Variants in AGBL1 observed in about 807,000 individuals in gnomAD.
AGBL1 encodes AGBL carboxypeptidase 1, also known as cytosolic carboxypeptidase 4.
AGBL1 carries 130 observed loss-of-function variants against 118.9 expected under a neutral mutation model. That is an observed-to-expected ratio of 1.09 (90% CI 0.95 to 1.26). The LOEUF (loss-of-function observed/expected upper bound fraction) is 1.26. Among genes scored for constraint, AGBL1 ranks in the 50% most tolerant of loss-of-function variants. AGBL1 has a pLI of 0.00. For synonymous variants in AGBL1, 555 were observed against 478.9 expected (o/e 1.16, Z -2.08); for missense variants, 1,584 against 1,298.1 (o/e 1.22, Z -3.38).
At chr15:86,736,379 C>CAA (rs5814261) in intron 22 of AGBL1, among the ~76,000 whole-genome samples, 15 of 137,956 alleles carry the variant, frequency 1.1e-4, no homozygotes, top group African/African-American at 3.9e-4. Flanking sequence ...AACTCTGTCT[C>CAA]AAAAAAAAAA....
chr15:86,443,012 C>A (rs1472149331), intron 18 of AGBL1, among the ~76,000 whole-genome samples: 1 of 152,218 alleles, frequency 6.6e-6, no homozygotes, highest in Non-Finnish European at 1.5e-5. Context: ...GCTATTCTGT[C>A]TGGATCTCCT....
At position 86,615,404 on chromosome 15, in the gene AGBL1, G is replaced by A. The variant is rs2142398893; in HGVS notation, c.2995-58869G>A. Among the ~76,000 whole-genome samples the A allele has an allele frequency of 6.6e-6, 1 of 152,292 alleles. No individual in the cohort carries two copies. Among genetic ancestry groups the A allele is most frequent in the Admixed American group, 6.5e-5 (1 of 15,296 alleles). ...TGCAGGTGGTGTCCAGTGGGATCTG[G>A]GGTAAGGAGGAAGAAGGTAAGATGA... On this transcript the variant is annotated intron_variant, in intron 21 of 22. Transcript: ENST00000614907. The surrounding 1 kb of genome is among the most constrained non-coding windows in gnomAD (Gnocchi z 4.3).
chr15:86,664,098 A>G lies in AGBL1; in HGVS notation c.2995-10175A>G, dbSNP rs566228403. 7.9e-5 allele frequency among the ~76,000 whole-genome samples: 12 copies of G among 152,326 alleles called. 1 individual carries two copies. The highest frequency in any genetic ancestry group is 2.9e-4 in the African/African-American group (12 of 41,588). ...CCCACACCTTCAACCCTGCTGTGCC[A>G]GTGAATATATGGCCTTTTTTGCAGT... is the stretch of plus-strand genomic sequence containing the variant. On this transcript the variant is annotated intron_variant, in intron 21 of 22. Coordinates refer to ENST00000614907, the MANE Select transcript of AGBL1 (RefSeq NM_001386094.1).
intron 17 of AGBL1, among the ~76,000 whole-genome samples, chr15:86,394,194 A>G (rs2081329650): frequency 6.6e-6 from 1 of 152,142 alleles, no homozygotes; most frequent in Non-Finnish European, 1.5e-5. Flanking sequence ...AACCCTGGAA[A>G]TACGGCTCCT....
chr15:86,846,795 G>A (rs925115004), intron 22 of AGBL1, among the ~76,000 whole-genome samples: 1 of 152,212 alleles, frequency 6.6e-6, no homozygotes, highest in Admixed American at 6.5e-5. Context: ...GCCTCCCAAA[G>A]TGCTGGGATT....
chr15:86,897,048 A>G (rs2080139588), intron 22 of AGBL1, among the ~76,000 whole-genome samples: 1 of 152,186 alleles, frequency 6.6e-6, no homozygotes, highest in African/African-American at 2.4e-5. Flanking sequence ...CTTTTTAGAA[A>G]ATTATTTAGC....
At chr15:86,755,071 C>G (rs2077916112) in intron 22 of AGBL1, among the ~76,000 whole-genome samples, 1 of 152,042 alleles carries the variant, frequency 6.6e-6, no homozygotes, top group African/African-American at 2.4e-5. Flanking sequence ...ATATATATGT[C>G]TGAGAAAGAC....
In AGBL1 at chr15:86,805,182, G is replaced by A. The variant is rs1047130257; in HGVS notation, c.3159-101905G>A. Among the ~76,000 whole-genome samples, 11 of 152,054 alleles carry A rather than the reference G, an allele frequency of 7.2e-5. No homozygotes were observed. In the South Asian group the frequency reaches 1.2e-3, roughly 17 times the overall value. ...CATTATTTTTTCAAGAAGGAGAAAAGAGGGTTTTTTCTTTTTTTTTTTCCT... is the reference window on the plus strand; with the variant it reads ...CATTATTTTTTCAAGAAGGAGAAAAAAGGGTTTTTTCTTTTTTTTTTTCCT... On this transcript the variant is annotated intron_variant, in intron 22 of 22. Transcript: ENST00000614907.
rs80083058 is a variant in AGBL1, at chr15:86,839,330, C to T, written c.3159-67757C>T. Among the ~76,000 whole-genome samples the T allele has an allele frequency of 4.7e-3, 711 of 152,306 alleles. 1 individual carries two copies. Among genetic ancestry groups the T allele is most frequent in the Non-Finnish European group, 8.4e-3 (571 of 68,024 alleles). On this transcript the variant is annotated intron_variant, in intron 22 of 22. Coordinates refer to ENST00000614907, the MANE Select transcript of AGBL1 (RefSeq NM_001386094.1). ...AGTGAAAAAGTCTTGCTTTAGTAATCGTCAGACAAGCAACTATTTCATCAA... is the reference window on the plus strand; with the variant it reads ...AGTGAAAAAGTCTTGCTTTAGTAATTGTCAGACAAGCAACTATTTCATCAA...
intron 1 of AGBL1, among the ~76,000 whole-genome samples, chr15:86,127,615 A>G (rs1468290124): frequency 2.0e-5 from 3 of 152,248 alleles, no homozygotes; most frequent in African/African-American, 7.2e-5. Flanking sequence ...AAATTCTATT[A>G]TGGCGGAGCC....
intron 5 of AGBL1, among the ~76,000 whole-genome samples, chr15:86,195,390 G>C (rs1325934315): frequency 6.6e-6 from 1 of 151,980 alleles, no homozygotes; most frequent in East Asian, 1.9e-4. Flanking sequence ...CTGAAGGTGA[G>C]GTCATGTTGT....
At chr15:86,236,697 C>T (rs1276827408) in intron 6 of AGBL1, among the ~76,000 whole-genome samples, 3 of 151,802 alleles carry the variant, frequency 2.0e-5, no homozygotes, top group African/African-American at 7.3e-5. Context: ...GAAGAAGCCT[C>T]CCCATACAGA....
intron 18 of AGBL1, among the ~76,000 whole-genome samples, chr15:86,451,397 A>G (rs1483273599): frequency 1.3e-5 from 2 of 152,244 alleles, no homozygotes; most frequent in Admixed American, 1.3e-4. Context: ...AAGTTGTTTA[A>G]AAGAAATACT....
At chr15:86,725,086 T>C (rs1254767225) in intron 22 of AGBL1, among the ~76,000 whole-genome samples, 4 of 152,080 alleles carry the variant, frequency 2.6e-5, no homozygotes, top group Non-Finnish European at 1.5e-5. Flanking sequence ...GCAAAGGAGG[T>C]AGCATTCTTG....
intron 22 of AGBL1, among the ~76,000 whole-genome samples, chr15:86,841,176 CT>C (rs1243592684): frequency 6.6e-6 from 1 of 152,160 alleles, no homozygotes; most frequent in Non-Finnish European, 1.5e-5. Flanking sequence ...GGCAGCTCCC[CT>C]TTAACTAGAA....
At chr15:86,884,379 A>G (rs1474840624) in intron 22 of AGBL1, among the ~76,000 whole-genome samples, 1 of 152,170 alleles carries the variant, frequency 6.6e-6, no homozygotes. Context: ...CCTGTGCACT[A>G]TTTAAAACTT....
In AGBL1 at chr15:86,253,474, C is replaced by G. The variant is rs375007948; in HGVS notation, c.736-3379C>G. ...CCTTGTTGGCCAGGCTGGTCTCAAA[C>G]TCTTGATGTCGTGATCCACCTGCCT... On this transcript the variant is annotated intron_variant, in intron 7 of 22. Coordinates refer to ENST00000614907, the MANE Select transcript of AGBL1 (RefSeq NM_001386094.1). 1.9e-4 allele frequency among the ~76,000 whole-genome samples: 29 copies of G among 152,210 alleles called. No individual in the cohort carries two copies. In the South Asian group the frequency reaches 5.4e-3, roughly 28 times the overall value.
chr15:86,746,311 T>A lies in AGBL1; in HGVS notation c.3158+71875T>A, dbSNP rs190720734. ...TGAAAAGGTTTTATTTCTTCAAACA[T>A]GACATATGTCTCTTGCCTCTGAGCC... On this transcript the variant is annotated intron_variant, in intron 22 of 22. Coordinates refer to ENST00000614907, the MANE Select transcript of AGBL1 (RefSeq NM_001386094.1). 2.6e-4 allele frequency among the ~76,000 whole-genome samples: 39 copies of A among 152,282 alleles called. No individual in the cohort carries two copies. In the East Asian group the frequency reaches 7.5e-3, roughly 29 times the overall value.
intron 17 of AGBL1, among the ~76,000 whole-genome samples, chr15:86,366,964 T>C (rs1267459358): frequency 6.6e-6 from 1 of 152,208 alleles, no homozygotes; most frequent in Non-Finnish European, 1.5e-5. Flanking sequence ...ATGTCTCATA[T>C]TCAGTCTATC....
Sources: allele counts gnomAD v4.1 joint callset (sites outside exome capture counted in the v4.1 genomes callset), GRCh38; gene constraint gnomAD v4.1.1; non-coding constraint Gnocchi (gnomAD v3.1); transcripts MANE v1.5; gene names NCBI Gene and HGNC (gene_info 2026-07-23, HGNC 2026-07-21).